HDGFL3: variants seen among roughly 807,000 people sequenced by gnomAD.
HDGFL3 encodes the protein HDGF like 3, also known as hepatoma-derived growth factor-related protein 3.
HDGFL3 carries 6 observed loss-of-function variants against 27.6 expected under a neutral mutation model. The ratio of observed to expected loss-of-function variants is 0.22; its 90% CI spans 0.12 to 0.43. The LOEUF is 0.43. Among genes scored for constraint, HDGFL3 ranks in the 20% least tolerant of loss-of-function variants. The pLI is 1.00. For synonymous variants in HDGFL3, 88 were observed against 88.9 expected, an observed-to-expected ratio of 0.99 and a Z score of 0.05; for missense variants, 207 against 250.1, an observed-to-expected ratio of 0.83 and a Z score of 1.16.
downstream of HDGFL3, chr15:83,127,220 TAAAA>T: frequency 1.5e-6 from 1 of 649,060 alleles, no homozygotes; most frequent in Non-Finnish European, 2.2e-6. Flanking sequence ...AAAATAAAAG[TAAAA>T]AAAAAAAAAG....
chr15:83,182,452 C>A (rs1325541660), intron 1 of HDGFL3, among the ~76,000 whole-genome samples: 1 of 152,102 alleles, frequency 6.6e-6, no homozygotes, highest in East Asian at 1.9e-4. Context: ...GTGGCCAAAC[C>A]AACTATGGCA....
downstream of HDGFL3, among the ~76,000 whole-genome samples, chr15:83,124,151 CAT>C (rs1034243101): frequency 1.3e-5 from 2 of 152,024 alleles, no homozygotes; most frequent in Non-Finnish European, 2.9e-5. Context: ...AATTTTTAAA[CAT>C]GTGGGAAAGT....
rs915407158 is a variant in HDGFL3, at chr15:83,128,175, T to G, written c.*11095A>C. ...AAAAACATTAGCTTCATCTTGTTCTTTTCAAGCAGTTATAAGAATGAGGTT... is the reference window on the plus strand; with the variant it reads ...AAAAACATTAGCTTCATCTTGTTCTGTTCAAGCAGTTATAAGAATGAGGTT... On this transcript the variant is annotated 3_prime_UTR_variant, in exon 6 of 6. Transcript: ENST00000299633. The G allele has an allele frequency of 6.6e-6, 1 of 152,290 alleles. No individual in the cohort carries two copies. The highest frequency in any genetic ancestry group is 2.4e-5 in the African/African-American group (1 of 41,464). The allele number at this position is 152,290 out of a possible 1,614,324, so 9.4% of individuals were successfully genotyped here.
intron 3 of HDGFL3, chr15:83,121,815 ATGTACT>A: frequency 1.1e-5 from 9 of 809,640 alleles, no homozygotes; most frequent in Non-Finnish European, 1.8e-5. Flanking sequence ...GTTTTGATTG[ATGTACT>A]TTACTAGTTT....
chr15:83,160,595 C>A (rs1487605077), intron 2 of HDGFL3, among the ~76,000 whole-genome samples: 1 of 151,960 alleles, frequency 6.6e-6, no homozygotes, highest in Non-Finnish European at 1.5e-5. Context: ...TTGAATGCTA[C>A]ATTTAAAATC....
rs1161124176 is a variant in HDGFL3, at chr15:83,207,253, T to C, written c.84+78A>G. 10 of 965,482 alleles carry C rather than the reference T, an allele frequency of 1.0e-5. No homozygotes were observed. The highest frequency in any genetic ancestry group is 5.2e-5 in the African/African-American group (3 of 57,958). The allele number at this position is 965,482 out of a possible 1,614,324, so 59.8% of individuals were successfully genotyped here. ...AGCTGCGGGCTCGGGGCTGAGGCGA[T>C]GGGGAAAGGGGGCGGGCGCGCCATC... On this transcript the variant is annotated intron_variant, in intron 1 of 5. Transcript: ENST00000299633. The surrounding 1 kb of genome is among the most constrained non-coding windows in gnomAD (Gnocchi z 4.8).
At chr15:83,179,554 C>T (rs982402386) in intron 1 of HDGFL3, among the ~76,000 whole-genome samples, 10 of 152,242 alleles carry the variant, frequency 6.6e-5, no homozygotes, top group South Asian at 2.1e-4. Flanking sequence ...GCAAGGATAC[C>T]AAGGTTCTCC....
Position 83,207,549 on chromosome 15 carries a change from G to C in HDGFL3, c.-135C>G. 1 of 609,534 alleles carries C rather than the reference G, an allele frequency of 1.6e-6. No individual in the cohort carries two copies. The highest frequency in any genetic ancestry group is 2.4e-6 in the Non-Finnish European group (1 of 424,376). The allele number at this position is 609,534 out of a possible 1,614,324, so 37.8% of individuals were successfully genotyped here. The stretch of plus-strand genomic sequence containing the variant: ...CGGACGAGCGGCCGCTCCGACGAGG[G>C]GAAGCGGCGAGGCGGCGGCTGAGGC... On this transcript the variant is annotated 5_prime_UTR_variant, in exon 1 of 6. Coordinates refer to ENST00000299633, the MANE Select transcript of HDGFL3 (RefSeq NM_016073.4). This position sits in a 1 kb window ranked among gnomAD's most constrained non-coding sequence, Gnocchi z 4.8.
chr15:83,157,368 A>C, intron 4 of HDGFL3, 47 bp downstream of exon 4: 1 of 1,517,468 alleles, frequency 6.6e-7, no homozygotes. Flanking sequence ...AAAATGTTTA[A>C]TGGATATGCA....
At chr15:83,179,443 A>T (rs2037352914) in intron 1 of HDGFL3, among the ~76,000 whole-genome samples, 2 of 152,244 alleles carry the variant, frequency 1.3e-5, no homozygotes, top group Non-Finnish European at 1.5e-5. Context: ...AGGAAATTCC[A>T]CATGGCTCAA....
At chr15:83,143,992 T>C (rs2036838330) in intron 5 of HDGFL3, among the ~76,000 whole-genome samples, 1 of 152,160 alleles carries the variant, frequency 6.6e-6, no homozygotes, top group African/African-American at 2.4e-5. Flanking sequence ...TTGGAATAAT[T>C]ACAAATTTTA....
intron 1 of HDGFL3, among the ~76,000 whole-genome samples, chr15:83,165,794 C>CAAAAAAAAAAAAAAAAAAA (rs57873221): frequency 2.2e-4 from 3 of 13,848 alleles, no homozygotes; most frequent in Non-Finnish European, 5.4e-4. Flanking sequence ...GAATCCATCT[C>CAAAAAAAAAAAAAAAAAAA]AAAAAAAAAA....
At chr15:83,117,890 G>A (rs898750094) in intron 3 of HDGFL3, among the ~76,000 whole-genome samples, 1 of 152,130 alleles carries the variant, frequency 6.6e-6, no homozygotes, top group African/African-American at 2.4e-5. Context: ...ACATAGCTGT[G>A]GTCCAGTGAG....
chr15:83,169,976 C>T (rs780233222), intron 1 of HDGFL3, among the ~76,000 whole-genome samples: 4 of 152,080 alleles, frequency 2.6e-5, no homozygotes, highest in Middle Eastern at 3.4e-3. Flanking sequence ...TTACAATAGC[C>T]GCACAAAAAA....
At chr15:83,122,916 C>T, downstream of HDGFL3, 2 of 1,608,564 alleles carry the variant, frequency 1.2e-6, no homozygotes, top group Non-Finnish European at 1.7e-6. Flanking sequence ...TGTTCTCAAA[C>T]TCATAGGGTT....
Position 83,132,597 on chromosome 15 carries a change from T to C in HDGFL3, c.*6673A>G, listed in dbSNP as rs764017936. On this transcript the variant is annotated 3_prime_UTR_variant, in exon 6 of 6. Transcript: ENST00000299633. ...TAACTTGAGACAGGGTCTTGCTATG[T>C]TGCCCAGGCTGGTCTCAAACTCCTG... 5 of 152,184 alleles carry C rather than the reference T, an allele frequency of 3.3e-5. No individual in the cohort carries two copies. The highest frequency in any genetic ancestry group is 7.3e-5 in the Non-Finnish European group (5 of 68,050). 9.4% of individuals were successfully genotyped at this position (152,184 alleles called of 1,614,324 possible). A position where few individuals can be genotyped will look rare whatever the true frequency, so the allele number is the denominator to read the frequency against.
In HDGFL3 at chr15:83,113,239, C is replaced by T. The variant is rs551490847; in HGVS notation, c.*2470G>A. On this transcript the variant is annotated 3_prime_UTR_variant, in exon 4 of 4. Coordinates refer to the HDGFL3 transcript ENST00000568294. ...TGTCTTCAGCCTGCTACTAGCAGTC[C>T]CCCCCACTTAGTGCAGAACTTAACT... 7 of 384,972 alleles carry T rather than the reference C, an allele frequency of 1.8e-5. No homozygotes were observed. The East Asian group carries it at 3.3e-4, about 18-fold the overall frequency. The allele number at this position is 384,972 out of a possible 1,614,324, so 23.8% of individuals were successfully genotyped here.
intron 4 of HDGFL3, among the ~76,000 whole-genome samples, chr15:83,154,848 A>AT (rs2037009414): frequency 6.6e-6 from 1 of 152,190 alleles, no homozygotes. Context: ...TTTCATTGAT[A>AT]TTAAAAATAA....
intron 5 of HDGFL3, among the ~76,000 whole-genome samples, chr15:83,140,406 T>C (rs531720258): frequency 4.4e-4 from 67 of 152,034 alleles, no homozygotes; most frequent in African/African-American, 1.4e-3. Context: ...ACAGATACTT[T>C]GGAGGATCTT....
Sources: allele counts gnomAD v4.1 joint callset (sites outside exome capture counted in the v4.1 genomes callset), GRCh38; gene constraint gnomAD v4.1.1; non-coding constraint Gnocchi (gnomAD v3.1); transcripts MANE v1.5; gene names NCBI Gene and HGNC (gene_info 2026-07-23, HGNC 2026-07-21).